ARID1B: variants seen among roughly 807,000 people sequenced by gnomAD.
The protein encoded by ARID1B is AT-rich interactive domain-containing protein 1B.
In ARID1B, 30 loss-of-function variants were observed where a neutral mutation model predicts 212.3. The ratio of observed to expected loss-of-function variants is 0.14; its 90% confidence interval spans 0.11 to 0.19. The LOEUF is 0.19. Among genes scored for constraint, ARID1B ranks in the 10% least tolerant of loss-of-function variants. The probability of loss-of-function intolerance (pLI) is 1.00; values close to 1 mark genes in which losing one functional copy is unlikely to be tolerated. For synonymous variants in ARID1B, 1,402 were observed against 1,301.7 expected (o/e 1.08, Z -1.66); for missense variants, 2,891 against 3,204.0 (o/e 0.90, Z 2.36).
chr6:157,204,327 A>G (rs971291727), intron 19 of ARID1B: 6 of 182,432 alleles, frequency 3.3e-5, no homozygotes, highest in Non-Finnish European at 6.9e-5. Context: ...AAAATGTAAC[A>G]TTAAGTTGTG....
intron 4 of ARID1B, among the ~76,000 whole-genome samples, chr6:157,064,084 G>GAATC (rs1783525502): frequency 6.6e-6 from 1 of 152,188 alleles, no homozygotes; most frequent in South Asian, 2.1e-4. Flanking sequence ...TCCACAGTAG[G>GAATC]AATCCCATTC....
chr6:156,939,319 A>C (rs1355217463), intron 4 of ARID1B: 7 of 152,150 alleles, frequency 4.6e-5, no homozygotes, highest in African/African-American at 1.7e-4. Context: ...TAAACATTGG[A>C]TATCCCTCAA....
intron 6 of ARID1B, among the ~76,000 whole-genome samples, chr6:157,123,246 C>A (rs1231761387): frequency 1.6e-5 from 2 of 125,358 alleles, no homozygotes; most frequent in Admixed American, 1.6e-4. Flanking sequence ...CCGCCCCCCC[C>A]CCACACACAC....
chr6:156,912,719 T>C (rs1789995068), intron 3 of ARID1B, among the ~76,000 whole-genome samples: 1 of 152,226 alleles, frequency 6.6e-6, no homozygotes, highest in African/African-American at 2.4e-5. Flanking sequence ...GTCTGCCTTC[T>C]GTGATGTACA....
chr6:156,972,314 G>A (rs566597730), intron 4 of ARID1B, among the ~76,000 whole-genome samples: 7 of 152,212 alleles, frequency 4.6e-5, no homozygotes, highest in Middle Eastern at 6.8e-3. Context: ...TAGCTGTGGG[G>A]CAGGGATTGG....
intron 5 of ARID1B, among the ~76,000 whole-genome samples, chr6:157,099,314 A>G (rs1226798965): frequency 1.3e-5 from 2 of 152,116 alleles, no homozygotes; most frequent in Non-Finnish European, 2.9e-5. Flanking sequence ...TCCGTGCATC[A>G]CCATGTATCC....
In ARID1B at chr6:157,207,519, C is replaced by G; in HGVS notation, c.6747C>G (p.Val2249=). 6.2e-7 allele frequency: 1 copy of G among 1,614,178 alleles called. No individual in the cohort carries two copies. The highest frequency in any genetic ancestry group is 8.5e-7 in the Non-Finnish European group (1 of 1,180,034). Reference sequence around the variant, plus strand: ...ACGTTGGGGATCGCAAAAACCCAGTCTGTCGAGAAATGTCCATGGCGCTTT... The same window carrying G: ...ACGTTGGGGATCGCAAAAACCCAGTGTGTCGAGAAATGTCCATGGCGCTTT... ...VRYVGDRKNP[V]CREMSMALLS... The change falls in exon 20 of 20, where the codon GTC becomes GTG. Residue 2249 remains valine, a synonymous_variant. Coordinates refer to ENST00000636930, the MANE Select transcript of ARID1B (RefSeq NM_001374828.1). The surrounding 1 kb of genome is among the most constrained non-coding windows in gnomAD (Gnocchi z 8.5).
intron 4 of ARID1B, among the ~76,000 whole-genome samples, chr6:156,960,542 T>C (rs1479915447): frequency 6.6e-6 from 1 of 152,236 alleles, no homozygotes; most frequent in Non-Finnish European, 1.5e-5. Context: ...ATTTATTTTG[T>C]TTATGTGTTT....
At chr6:156,843,401 T>G (rs2128091014) in intron 2 of ARID1B, among the ~76,000 whole-genome samples, 1 of 152,346 alleles carries the variant, frequency 6.6e-6, no homozygotes, top group Non-Finnish European at 1.5e-5. Flanking sequence ...GTATTTTCAA[T>G]GTCTACAGTT....
At chr6:156,874,282 G>A (rs1156242398) in intron 2 of ARID1B, among the ~76,000 whole-genome samples, 1 of 152,132 alleles carries the variant, frequency 6.6e-6, no homozygotes, top group African/African-American at 2.4e-5. Context: ...CCAGGCTGCT[G>A]TCAAACTCCT....
At chr6:156,913,493 A>G (rs1790080284) in intron 3 of ARID1B, among the ~76,000 whole-genome samples, 1 of 152,144 alleles carries the variant, frequency 6.6e-6, no homozygotes, top group Admixed American at 6.5e-5. Context: ...CTAGGATTAC[A>G]GGCATGAGCC....
intron 4 of ARID1B, among the ~76,000 whole-genome samples, chr6:157,005,407 G>C (rs1167656325): frequency 6.6e-6 from 1 of 152,150 alleles, no homozygotes; most frequent in Non-Finnish European, 1.5e-5. Flanking sequence ...GCCTGCCTCA[G>C]CCTCCCAAAG....
chr6:156,872,548 T>C (rs1422298063), intron 2 of ARID1B, among the ~76,000 whole-genome samples: 4 of 152,156 alleles, frequency 2.6e-5, no homozygotes, highest in Admixed American at 2.6e-4. Context: ...GTTGAACTCC[T>C]GACCTCAGGT....
At chr6:156,844,827 A>T (rs1238148341) in intron 2 of ARID1B, among the ~76,000 whole-genome samples, 1 of 152,216 alleles carries the variant, frequency 6.6e-6, no homozygotes, top group African/African-American at 2.4e-5. Context: ...CTGCAAGTAT[A>T]TTTCCTTACT....
At chr6:157,185,803 GT>G (rs1792935696) in intron 13 of ARID1B, 1 of 152,144 alleles carries the variant, frequency 6.6e-6, no homozygotes, top group Admixed American at 6.5e-5. Flanking sequence ...ACATAAATAC[GT>G]TTTAGGCCCA....
intron 4 of ARID1B, among the ~76,000 whole-genome samples, chr6:157,076,307 G>GT (rs1164074144): frequency 7.2e-6 from 1 of 138,768 alleles, no homozygotes; most frequent in Non-Finnish European, 1.6e-5. Flanking sequence ...TTTTTTGTTT[G>GT]TTTGTTTTGT....
At chr6:157,085,047 C>G in intron 5 of ARID1B, 142 bp downstream of exon 5, 1 of 1,068,200 alleles carries the variant, frequency 9.4e-7, no homozygotes, top group Non-Finnish European at 1.3e-6. Flanking sequence ...CCAAGGCATA[C>G]GAGAGTCCCA....
chr6:156,917,310 G>A (rs1484412107), intron 3 of ARID1B, among the ~76,000 whole-genome samples: 1 of 152,186 alleles, frequency 6.6e-6, no homozygotes, highest in Non-Finnish European at 1.5e-5. Context: ...GGGTCTGTTG[G>A]ACAAGCAAAA....
chr6:157,149,004 A>G, intron 8 of ARID1B, 53 bp downstream of exon 8: 2 of 1,534,834 alleles, frequency 1.3e-6, no homozygotes, highest in Non-Finnish European at 1.8e-6. Context: ...TCTACCCGTG[A>G]CCACGTGACT....
Sources: allele counts gnomAD v4.1 joint callset (sites outside exome capture counted in the v4.1 genomes callset), GRCh38; gene constraint gnomAD v4.1.1; non-coding constraint Gnocchi (gnomAD v3.1); transcripts MANE v1.5; gene names NCBI Gene and HGNC (gene_info 2026-07-23, HGNC 2026-07-21).